The following ADAM11 variants were observed in gnomAD, a reference collection of about 807,000 sequenced individuals.
ADAM11 encodes ADAM metallopeptidase domain 11, also known as disintegrin and metalloproteinase domain-containing protein 11.
Under a neutral mutation model 119.1 loss-of-function variants are expected in ADAM11, and 49 were observed. That is an observed-to-expected ratio of 0.41 (90% CI 0.33 to 0.52). ADAM11 has a LOEUF of 0.52. Among genes scored for constraint, ADAM11 ranks in the 20% least tolerant of loss-of-function variants. The probability of loss-of-function intolerance (pLI) is 0.20; values close to 1 mark genes in which losing one functional copy is unlikely to be tolerated. For synonymous variants in ADAM11, 364 were observed against 408.0 expected (o/e 0.89, Z 1.30); for missense variants, 777 against 1,047.5 (o/e 0.74, Z 3.56).
In ADAM11 at chr17:44,777,747, G is replaced by A; in HGVS notation, c.1954G>A (p.Gly652Ser). ...DGSDLSYVED[G>S]TACGPNMLCL... is the part of the protein sequence containing the mutation. ...CTCTGACCTGAGCTATGTGGAGGAT[G>A]GCACAGCCTGCGGGCCTAACATGTT... The change falls in exon 23 of 27, where the codon GGC becomes AGC. Residue 652 changes from glycine to serine, a missense_variant. Coordinates refer to ENST00000200557, the MANE Select transcript of ADAM11 (RefSeq NM_002390.6). The surrounding 1 kb of genome is among the most constrained non-coding windows in gnomAD (Gnocchi z 5.1). The A allele has an allele frequency of 6.2e-7, 1 of 1,614,038 alleles. No individual in the cohort carries two copies. The highest frequency in any genetic ancestry group is 8.5e-7 in the Non-Finnish European group (1 of 1,179,980).
intron 2 of ADAM11, among the ~76,000 whole-genome samples, chr17:44,767,435 G>A (rs558337590): frequency 1.3e-5 from 2 of 152,012 alleles, no homozygotes; most frequent in East Asian, 1.9e-4. Context: ...GTGCCAGCAG[G>A]AGTCCCCTCC....
chr17:44,768,937 C>T (rs16969079), intron 2 of ADAM11, among the ~76,000 whole-genome samples: 9 of 152,244 alleles, frequency 5.9e-5, no homozygotes, highest in Middle Eastern at 3.4e-3. Context: ...GTGATCCAGG[C>T]GTCCTCAAGC....
At chr17:44,771,363 G>T (rs1248130942) in intron 4 of ADAM11, among the ~76,000 whole-genome samples, 1 of 151,896 alleles carries the variant, frequency 6.6e-6, no homozygotes, top group Non-Finnish European at 1.5e-5. Context: ...CGTGAAGGAG[G>T]CCCAGAGGTT....
chr17:44,779,788 C>G lies in ADAM11; in HGVS notation c.*34C>G. 6.2e-7 allele frequency: 1 copy of G among 1,611,932 alleles called. No individual in the cohort carries two copies. The highest frequency in any genetic ancestry group is 2.2e-5 in the East Asian group (1 of 44,868). ...CTCCTCCCTCCAAGCCTGGCACCCA[C>G]CGTCTCGGCCCTGAACCACGAGGCT... On this transcript the variant is annotated 3_prime_UTR_variant, in exon 27 of 27. Transcript: ENST00000200557.
chr17:44,776,104 C>T lies in ADAM11; in HGVS notation c.1486-23C>T, dbSNP rs1367083104. 6.2e-7 allele frequency: 1 copy of T among 1,612,862 alleles called. No homozygotes were observed. The highest frequency in any genetic ancestry group is 1.3e-5 in the African/African-American group (1 of 74,972). On this transcript the variant is annotated intron_variant, in intron 17 of 26. Coordinates refer to ENST00000200557, the MANE Select transcript of ADAM11 (RefSeq NM_002390.6). The surrounding 1 kb of genome is among the most constrained non-coding windows in gnomAD (Gnocchi z 5.2). The stretch of plus-strand genomic sequence containing the variant: ...GCCGAGGCATCCATCCTGCCTGACT[C>T]GAGGAGCGCGTCTCTTCCCTAGTAC...
chr17:44,772,353 G>A lies in ADAM11; in HGVS notation c.610+20G>A. On this transcript the variant is annotated intron_variant, in intron 7 of 26. Coordinates refer to ENST00000200557, the MANE Select transcript of ADAM11 (RefSeq NM_002390.6). The surrounding 1 kb of genome is among the most constrained non-coding windows in gnomAD (Gnocchi z 4.5). Reference sequence around the variant, plus strand: ...AACCAGGTAAGGGAGGGAAGGGGGGGTGGGGAGGGGCCGGCTGTGCCCCCC... The same window carrying A: ...AACCAGGTAAGGGAGGGAAGGGGGGATGGGGAGGGGCCGGCTGTGCCCCCC... The A allele has an allele frequency of 3.2e-6, 5 of 1,584,674 alleles. No individual in the cohort carries two copies. The highest frequency in any genetic ancestry group is 1.1e-5 in the South Asian group (1 of 87,568).
At chr17:44,768,666 A>G (rs551851662) in intron 2 of ADAM11, among the ~76,000 whole-genome samples, 9 of 152,222 alleles carry the variant, frequency 5.9e-5, no homozygotes, top group Non-Finnish European at 1.2e-4. Context: ...GGTAAAGATT[A>G]GCAGTGATGA....
intron 25 of ADAM11, 24 bp downstream of exon 25, chr17:44,778,266 C>T (rs1050626296): frequency 2.5e-6 from 4 of 1,599,068 alleles, no homozygotes; most frequent in African/African-American, 2.7e-5. Flanking sequence ...ACACCCTGTG[C>T]CCCCTGGCAT....
intron 2 of ADAM11, among the ~76,000 whole-genome samples, chr17:44,768,756 C>T (rs1172452887): frequency 1.3e-5 from 2 of 152,232 alleles, no homozygotes; most frequent in Non-Finnish European, 2.9e-5. Context: ...CTTCCTGCAA[C>T]CTGCCGTCCC....
At chr17:44,762,484 T>C (rs1438894435) in intron 2 of ADAM11, among the ~76,000 whole-genome samples, 1 of 152,212 alleles carries the variant, frequency 6.6e-6, no homozygotes, top group Non-Finnish European at 1.5e-5. Context: ...GTGTGTGTCC[T>C]AGCCAGAAGT....
chr17:44,781,541 C>CTGGG lies in ADAM11; in HGVS notation c.*1787_*1788insTGGG, dbSNP rs2049694054. 6.6e-6 allele frequency: 1 copy of CTGGG among 152,362 alleles called. No individual in the cohort carries two copies. Among genetic ancestry groups the CTGGG allele is most frequent in the African/African-American group, 2.4e-5 (1 of 41,466 alleles). 9.4% of individuals were successfully genotyped at this position (152,362 alleles called of 1,614,324 possible). On this transcript the variant is annotated 3_prime_UTR_variant, in exon 27 of 27. Coordinates refer to ENST00000200557, the MANE Select transcript of ADAM11 (RefSeq NM_002390.6). ...GTGCATCTGGGCACAGCTTTTGGAT[C>CTGGG]CACACCTCTGCACAAGTGTGAATAC...
chr17:44,771,962 ACCCCAGCTCTGGTTCCCTCCCTCCTGTG>A, intron 6 of ADAM11, 131 bp downstream of exon 6: 2 of 1,082,432 alleles, frequency 1.8e-6, no homozygotes, highest in Non-Finnish European at 2.7e-6. Context: ...CTCTTCAGTG[ACCCCAGCTCTGGTTCCCTCCCTCCTGTG>A]CCCCAGCTCC....
chr17:44,760,671 G>A (rs942852545), intron 2 of ADAM11, among the ~76,000 whole-genome samples: 2 of 152,146 alleles, frequency 1.3e-5, no homozygotes, highest in Admixed American at 6.5e-5. Context: ...GCAAAGGCCC[G>A]GCACAAACAG....
Position 44,772,349 on chromosome 17 carries a change from G to C in ADAM11, c.610+16G>C. 1 of 1,588,570 alleles carries C rather than the reference G, an allele frequency of 6.3e-7. No individual in the cohort carries two copies. The highest frequency in any genetic ancestry group is 8.6e-7 in the Non-Finnish European group (1 of 1,166,076). On this transcript the variant is annotated intron_variant, in intron 7 of 26. Coordinates refer to ENST00000200557, the MANE Select transcript of ADAM11 (RefSeq NM_002390.6). This position sits in a 1 kb window ranked among gnomAD's most constrained non-coding sequence, Gnocchi z 4.5. ...AGGGAACCAGGTAAGGGAGGGAAGG[G>C]GGGGTGGGGAGGGGCCGGCTGTGCC...
At position 44,780,105 on chromosome 17, in the gene ADAM11, G is replaced by A. The variant is rs1045695070; in HGVS notation, c.*351G>A. ...AGGCAGCCACCAGTGGACCTAGCCT[G>A]GATGGCCCCTCCTTGCAACCAGGCA... On this transcript the variant is annotated 3_prime_UTR_variant, in exon 27 of 27. Transcript: ENST00000200557. 2 of 633,044 alleles carry A rather than the reference G, an allele frequency of 3.2e-6. No individual in the cohort carries two copies. The highest frequency in any genetic ancestry group is 5.9e-6 in the Non-Finnish European group (2 of 339,718). 39.2% of individuals were successfully genotyped at this position (633,044 alleles called of 1,614,324 possible).
intron 2 of ADAM11, among the ~76,000 whole-genome samples, chr17:44,769,341 G>A (rs537508645): frequency 1.4e-4 from 21 of 152,290 alleles, no homozygotes; most frequent in African/African-American, 3.8e-4. Flanking sequence ...GGGCCCTCCC[G>A]TTACTCTGCC....
chr17:44,773,612 G>A lies in ADAM11; in HGVS notation c.992+185G>A, dbSNP rs1567692981. On this transcript the variant is annotated intron_variant, in intron 11 of 26. Transcript: ENST00000200557. The surrounding 1 kb of genome is among the most constrained non-coding windows in gnomAD (Gnocchi z 4.6). ...ATCATCCCCTGAATCTGAGGTTGAT[G>A]CCCTTGTCTTAGCCCTGGTGGTCCT... 6.6e-6 allele frequency among the ~76,000 whole-genome samples: 1 copy of A among 152,162 alleles called. No homozygotes were observed. Among genetic ancestry groups the A allele is most frequent in the African/African-American group, 2.4e-5 (1 of 41,422 alleles).
intron 2 of ADAM11, among the ~76,000 whole-genome samples, chr17:44,765,948 G>A (rs1346263793): frequency 1.3e-5 from 2 of 152,212 alleles, no homozygotes; most frequent in Admixed American, 1.3e-4. Context: ...GAAAACTGAG[G>A]CCGGGGGCAT....
intron 2 of ADAM11, among the ~76,000 whole-genome samples, chr17:44,761,191 G>A (rs540940084): frequency 6.6e-6 from 1 of 152,000 alleles, no homozygotes; most frequent in African/African-American, 2.4e-5. Flanking sequence ...CACTGTGGGG[G>A]AACTGATGGT....
Sources: gnomAD v4.1 joint callset for allele counts (sites outside exome capture counted in the v4.1 genomes callset) on GRCh38, gnomAD v4.1.1 for gene constraint, Gnocchi (gnomAD v3.1) non-coding constraint, MANE v1.5 for transcripts, NCBI Gene and HGNC (gene_info 2026-07-23, HGNC 2026-07-21) for gene names.